ZCCHC7: variants seen among roughly 807,000 people sequenced by gnomAD.
ZCCHC7 encodes zinc finger CCHC domain-containing protein 7.
ZCCHC7 carries 35 observed loss-of-function variants against 52.0 expected under a neutral mutation model. The observed-to-expected ratio is 0.67, with a 90% CI of 0.51 to 0.89. The LOEUF (loss-of-function observed/expected upper bound fraction) is 0.89, where lower values mean the gene tolerates loss of function less well. Ranked by LOEUF, ZCCHC7 falls within the 40% of genes least tolerant of loss-of-function variation. The probability of loss-of-function intolerance (pLI) is 0.00; values close to 1 mark genes in which losing one functional copy is unlikely to be tolerated. For missense variants in ZCCHC7, 574 were observed against 649.1 expected (o/e 0.88, Z 1.26); for synonymous variants, 217 against 221.5 (o/e 0.98, Z 0.18).
intron 3 of ZCCHC7, among the ~76,000 whole-genome samples, chr9:37,303,591 G>A (rs923740744): frequency 1.1e-4 from 17 of 150,708 alleles, no homozygotes; most frequent in East Asian, 3.9e-4. Flanking sequence ...CTCAGCAGGC[G>A]GGAGGGGCAG....
intron 2 of ZCCHC7, among the ~76,000 whole-genome samples, chr9:37,199,710 G>T (rs28392169): frequency 4.4e-5 from 5 of 114,102 alleles, no homozygotes; most frequent in African/African-American, 9.9e-5. Context: ...CTTTCTTTCT[G>T]TCTTTCTTTC....
chr9:37,238,554 G>A (rs1026238518), intron 2 of ZCCHC7, among the ~76,000 whole-genome samples: 1 of 152,030 alleles, frequency 6.6e-6, no homozygotes, highest in African/African-American at 2.4e-5. Flanking sequence ...CCGAGAAACT[G>A]TTTAATAATA....
At chr9:37,232,108 T>C (rs559669951) in intron 2 of ZCCHC7, among the ~76,000 whole-genome samples, 3 of 152,248 alleles carry the variant, frequency 2.0e-5, no homozygotes, top group Non-Finnish European at 1.5e-5. Context: ...AGGAGAGGAG[T>C]ATGTTTTGTG....
intron 2 of ZCCHC7, among the ~76,000 whole-genome samples, chr9:37,289,180 C>G (rs1160847890): frequency 1.3e-5 from 2 of 149,020 alleles, no homozygotes; most frequent in Admixed American, 1.3e-4. Context: ...GGTGGAGTCT[C>G]GCTCTGTCGC....
intron 2 of ZCCHC7, among the ~76,000 whole-genome samples, chr9:37,280,695 G>A (rs1218809304): frequency 1.3e-5 from 2 of 148,412 alleles, no homozygotes; most frequent in Non-Finnish European, 3.0e-5. Context: ...ACTTTTTTTT[G>A]TTACTGCTTG....
intron 5 of ZCCHC7, among the ~76,000 whole-genome samples, chr9:37,313,684 C>T (rs1829692930): frequency 6.6e-6 from 1 of 152,152 alleles, no homozygotes; most frequent in African/African-American, 2.4e-5. Flanking sequence ...AGTAAGTTCT[C>T]ATGAGATTTG....
chr9:37,344,645 G>A (rs1196987840), intron 6 of ZCCHC7, among the ~76,000 whole-genome samples: 3 of 152,126 alleles, frequency 2.0e-5, no homozygotes, highest in Admixed American at 6.6e-5. Flanking sequence ...CCCCCAAAAA[G>A]TCAATCTAAG....
chr9:37,261,293 A>G (rs1273067851), intron 2 of ZCCHC7, among the ~76,000 whole-genome samples: 6 of 152,214 alleles, frequency 3.9e-5, no homozygotes, highest in Admixed American at 1.3e-4. Context: ...AAAATGGACA[A>G]GAGTTGAAAC....
At chr9:37,179,473 T>G (rs1223081908) in intron 2 of ZCCHC7, among the ~76,000 whole-genome samples, 1 of 152,214 alleles carries the variant, frequency 6.6e-6, no homozygotes, top group Non-Finnish European at 1.5e-5. Flanking sequence ...CTTCATCTGC[T>G]TGATTAAAAA....
intron 2 of ZCCHC7, among the ~76,000 whole-genome samples, chr9:37,148,885 G>A (rs942215384): frequency 1.3e-5 from 2 of 152,160 alleles, no homozygotes; most frequent in Non-Finnish European, 2.9e-5. Context: ...CAGCAAGGTA[G>A]TGGAGAGTTC....
intron 2 of ZCCHC7, among the ~76,000 whole-genome samples, chr9:37,280,929 GTAA>G (rs1424067114): frequency 6.6e-6 from 1 of 152,020 alleles, no homozygotes; most frequent in Non-Finnish European, 1.5e-5. Flanking sequence ...CAAAAAAAAA[GTAA>G]TAATGTGTGA....
chr9:37,278,034 G>GTGTGTTTTGTTTTGTTTTCTTT (rs74182939), intron 2 of ZCCHC7, among the ~76,000 whole-genome samples: 2 of 142,860 alleles, frequency 1.4e-5, no homozygotes, highest in Admixed American at 1.4e-4. Context: ...GTGTGTGTGT[G>GTGTGTTTTGTTTTGTTTTCTTT]TGTTTTGTTT....
Position 37,203,800 on chromosome 9 carries a change from T to G in ZCCHC7, c.610+76858T>G, listed in dbSNP as rs66726372. On this transcript the variant is annotated intron_variant, in intron 2 of 8. Coordinates refer to ENST00000336755, the MANE Select transcript of ZCCHC7 (RefSeq NM_032226.3). ...CCTGCATGTTTATAACACAGTGATT[T>G]ATATTCCGTTGGGTATATACCGAGT... Among the ~76,000 whole-genome samples, 1,306 of 152,342 alleles carry G rather than the reference T, an allele frequency of 8.6e-3. 11 individuals carry two copies. Among genetic ancestry groups the G allele is most frequent in the Middle Eastern group, 0.014 (4 of 294 alleles).
At chr9:37,143,321 T>C (rs896252544) in intron 2 of ZCCHC7, among the ~76,000 whole-genome samples, 3 of 151,976 alleles carry the variant, frequency 2.0e-5, no homozygotes, top group Non-Finnish European at 3.0e-5. Context: ...AAAAATGCTA[T>C]GAAGGTAAGC....
At chr9:37,292,371 G>A (rs1250577939) in intron 2 of ZCCHC7, among the ~76,000 whole-genome samples, 2 of 152,180 alleles carry the variant, frequency 1.3e-5, no homozygotes, top group African/African-American at 4.8e-5. Flanking sequence ...CTGGTGGCTG[G>A]TAGGGTAGTA....
At chr9:37,345,614 G>A (rs1820909359) in intron 6 of ZCCHC7, among the ~76,000 whole-genome samples, 1 of 151,868 alleles carries the variant, frequency 6.6e-6, no homozygotes, top group African/African-American at 2.4e-5. Context: ...CAGCTACTCT[G>A]AAGGCTGAGG....
In ZCCHC7 at chr9:37,270,804, T is replaced by TTAA. The variant is rs1554721953; in HGVS notation, c.611-31384_611-31383insTAA. Among the ~76,000 whole-genome samples, 3 of 146,590 alleles carry TTAA rather than the reference T, an allele frequency of 2.0e-5. 1 individual carries two copies. Among genetic ancestry groups the TTAA allele is most frequent in the African/African-American group, 5.0e-5 (2 of 39,984 alleles). On this transcript the variant is annotated intron_variant, in intron 2 of 8. Coordinates refer to ENST00000336755, the MANE Select transcript of ZCCHC7 (RefSeq NM_032226.3). ...CATCATTGAAAGTAGTTTCCAGCAA[T>TTAA]AATAAAAAAAAAAAATAGTAGTAGA...
chr9:37,223,127 G>A (rs773506011), intron 2 of ZCCHC7, among the ~76,000 whole-genome samples: 1 of 151,906 alleles, frequency 6.6e-6, no homozygotes. Flanking sequence ...CTGCCTATGA[G>A]GTAGCCCTGC....
At position 37,226,128 on chromosome 9, in the gene ZCCHC7, CTAAT is replaced by C. The variant is rs554753172; in HGVS notation, c.611-76057_611-76054del. ...AAGAAACAAGGTCAGTATTCAACAACTAATTATATTTCTGTATACTAGCAACAAA... is the reference window on the plus strand; with the variant it reads ...AAGAAACAAGGTCAGTATTCAACAACTATATTTCTGTATACTAGCAACAAA... On this transcript the variant is annotated intron_variant, in intron 2 of 8. Transcript: ENST00000336755. Among the ~76,000 whole-genome samples, 13 of 152,280 alleles carry C rather than the reference CTAAT, an allele frequency of 8.5e-5. No homozygotes were observed. In the South Asian group the frequency reaches 2.7e-3, roughly 32 times the overall value.
Sources: gnomAD v4.1 joint callset for allele counts (sites outside exome capture counted in the v4.1 genomes callset) on GRCh38, gnomAD v4.1.1 for gene constraint, MANE v1.5 for transcripts, NCBI Gene and HGNC (gene_info 2026-07-23, HGNC 2026-07-21) for gene names.